CACNA2D1: variants seen among roughly 807,000 people sequenced by gnomAD.
CACNA2D1 encodes the protein calcium voltage-gated channel auxiliary subunit alpha2delta 1, also known as voltage-dependent calcium channel subunit alpha-2/delta-1.
In CACNA2D1, 53 loss-of-function variants were observed where a neutral mutation model predicts 171.5. The ratio of observed to expected loss-of-function variants is 0.31; its 90% CI spans 0.25 to 0.39. CACNA2D1 has a LOEUF of 0.39. CACNA2D1 is among the 10% of genes least tolerant of loss of function. The pLI is 1.00. For synonymous variants in CACNA2D1, 442 were observed against 443.1 expected (o/e 1.00, Z 0.03); for missense variants, 903 against 1,299.8 (o/e 0.69, Z 4.69).
intron 16 of CACNA2D1, among the ~76,000 whole-genome samples, chr7:82,006,486 A>G (rs1799131887): frequency 6.6e-6 from 1 of 152,108 alleles, no homozygotes; most frequent in Non-Finnish European, 1.5e-5. Flanking sequence ...AATTGTTTTA[A>G]AATTTTGGGT....
chr7:82,386,763 T>TAAATAAAG (rs1554536073), intron 1 of CACNA2D1, among the ~76,000 whole-genome samples: 7 of 149,724 alleles, frequency 4.7e-5, no homozygotes, highest in African/African-American at 1.5e-4. Context: ...AATAAATAAA[T>TAAATAAAG]AAATAAATAA....
intron 32 of CACNA2D1, among the ~76,000 whole-genome samples, chr7:81,965,317 T>C (rs1794606420): frequency 6.6e-6 from 1 of 151,940 alleles, no homozygotes; most frequent in African/African-American, 2.4e-5. Flanking sequence ...AAGTGAAAGT[T>C]TTCTAAATAT....
intron 6 of CACNA2D1, among the ~76,000 whole-genome samples, chr7:82,099,933 C>T (rs1225447369): frequency 6.6e-6 from 1 of 151,996 alleles, no homozygotes; most frequent in Non-Finnish European, 1.5e-5. Flanking sequence ...TGAGGCCTGT[C>T]AGGGGGTAGG....
chr7:82,119,392 T>C (rs910749178), intron 5 of CACNA2D1, among the ~76,000 whole-genome samples: 1 of 152,160 alleles, frequency 6.6e-6, no homozygotes, highest in African/African-American at 2.4e-5. Context: ...ATTAGATCAC[T>C]CAGAGACAGA....
chr7:82,186,219 A>AG (rs1797728652), intron 3 of CACNA2D1, among the ~76,000 whole-genome samples: 9 of 75,064 alleles, frequency 1.2e-4, no homozygotes, highest in East Asian at 6.1e-4. Context: ...GAGGGAGGGA[A>AG]AGAGAGAGAG....
At chr7:82,011,677 G>C (rs569688508) in intron 15 of CACNA2D1, among the ~76,000 whole-genome samples, 29 of 152,238 alleles carry the variant, frequency 1.9e-4, no homozygotes, top group South Asian at 1.2e-3. Context: ...ATAAGGTAAA[G>C]TTTTTGCCTA....
At chr7:82,360,352 C>T (rs772638580) in intron 1 of CACNA2D1, among the ~76,000 whole-genome samples, 34 of 152,138 alleles carry the variant, frequency 2.2e-4, no homozygotes, top group Non-Finnish European at 4.0e-4. Flanking sequence ...TAAGTAGGTT[C>T]TTCCTTAAGA....
At chr7:82,324,262 G>A (rs1483119655) in intron 3 of CACNA2D1, among the ~76,000 whole-genome samples, 1 of 151,750 alleles carries the variant, frequency 6.6e-6, no homozygotes, top group East Asian at 1.9e-4. Context: ...GGAGGCTGAG[G>A]CAGGGGAATC....
intron 19 of CACNA2D1, 65 bp downstream of exon 19, chr7:81,997,114 T>G (rs950275778): frequency 8.8e-5 from 78 of 881,592 alleles, no homozygotes; most frequent in Admixed American, 1.5e-4. Context: ...CAACAGATAC[T>G]TGTAGAATGA....
intron 3 of CACNA2D1, among the ~76,000 whole-genome samples, chr7:82,217,423 A>G (rs1019944175): frequency 2.4e-5 from 3 of 123,544 alleles, no homozygotes; most frequent in African/African-American, 8.9e-5. Context: ...ATATATATAT[A>G]TATCAGGAAA....
At chr7:82,439,890 C>T (rs1392481734) in intron 1 of CACNA2D1, among the ~76,000 whole-genome samples, 1 of 151,716 alleles carries the variant, frequency 6.6e-6, no homozygotes, top group African/African-American at 2.4e-5. Context: ...GATCATATGG[C>T]ACATTTCCTT....
chr7:82,040,344 A>G (rs896090618), intron 10 of CACNA2D1, among the ~76,000 whole-genome samples: 1 of 151,586 alleles, frequency 6.6e-6, no homozygotes, highest in African/African-American at 2.4e-5. Flanking sequence ...CACAGAGTTC[A>G]ATTTAGGGTG....
intron 9 of CACNA2D1, among the ~76,000 whole-genome samples, chr7:82,061,148 C>G (rs1253565427): frequency 6.6e-6 from 1 of 152,178 alleles, no homozygotes; most frequent in African/African-American, 2.4e-5. Context: ...ATCCTTCGAG[C>G]TGCCTGCTGA....
chr7:81,997,625 T>A (rs1317565821), intron 18 of CACNA2D1, among the ~76,000 whole-genome samples: 1 of 147,260 alleles, frequency 6.8e-6, no homozygotes, highest in Non-Finnish European at 1.5e-5. Context: ...TATTTGGTAA[T>A]AAAACAATGG....
At chr7:82,013,092 A>G (rs1799998542) in intron 14 of CACNA2D1, among the ~76,000 whole-genome samples, 1 of 152,042 alleles carries the variant, frequency 6.6e-6, no homozygotes, top group East Asian at 1.9e-4. Flanking sequence ...CAGCATAATT[A>G]GTGTTTAATT....
chr7:82,424,587 A>G (rs1829015549), intron 1 of CACNA2D1, among the ~76,000 whole-genome samples: 1 of 152,236 alleles, frequency 6.6e-6, no homozygotes, highest in Admixed American at 6.5e-5. Flanking sequence ...TGGAAGGATC[A>G]TAATCCTTTA....
chr7:82,088,951 T>C (rs1810806957), intron 6 of CACNA2D1, among the ~76,000 whole-genome samples: 1 of 151,814 alleles, frequency 6.6e-6, no homozygotes, highest in South Asian at 2.1e-4. Flanking sequence ...CATGTGCCGT[T>C]CACAACAGGG....
At chr7:82,240,068 G>C (rs1804070324) in intron 3 of CACNA2D1, among the ~76,000 whole-genome samples, 1 of 152,132 alleles carries the variant, frequency 6.6e-6, no homozygotes, top group Admixed American at 6.6e-5. Flanking sequence ...TTGTGCAAAA[G>C]AACAGTTATG....
intron 17 of CACNA2D1, 93 bp downstream of exon 17, chr7:82,005,672 G>A (rs1799047209): frequency 1.0e-6 from 1 of 962,564 alleles, no homozygotes; most frequent in Admixed American, 1.8e-5. Flanking sequence ...TAAGATAACT[G>A]CCCATAATTT....
Sources: gnomAD v4.1 joint callset for allele counts (sites outside exome capture counted in the v4.1 genomes callset) on GRCh38, gnomAD v4.1.1 for gene constraint, MANE v1.5 for transcripts, NCBI Gene and HGNC (gene_info 2026-07-23, HGNC 2026-07-21) for gene names.